The following AFG1L variants were observed in gnomAD, a reference collection of about 807,000 sequenced individuals.
AFG1L encodes AFG1-like ATPase.
A neutral mutation model predicts 62.2 loss-of-function variants in AFG1L; 53 were observed. The observed-to-expected ratio is 0.85, with a 90% CI of 0.68 to 1.07. The LOEUF (loss-of-function observed/expected upper bound fraction) is 1.07. AFG1L is among the 50% of genes least tolerant of loss of function. The pLI is 0.00. For missense variants in AFG1L, 555 were observed against 590.5 expected (o/e 0.94, Z 0.62); for synonymous variants, 228 against 210.3 (o/e 1.08, Z -0.73).
chr6:108,355,809 G>T, intron 4 of AFG1L, 54 bp downstream of exon 4: 1 of 1,184,492 alleles, frequency 8.4e-7, no homozygotes, highest in Non-Finnish European at 1.2e-6. Flanking sequence ...GCTACAAAAT[G>T]GTTTTCTTCA....
chr6:108,316,368 G>A (rs1424573011), intron 1 of AFG1L, among the ~76,000 whole-genome samples: 2 of 83,952 alleles, frequency 2.4e-5, no homozygotes, highest in African/African-American at 5.0e-5. Context: ...GCGACAGAGC[G>A]AGACTCCGTC....
chr6:108,483,386 G>T (rs1233982736), intron 10 of AFG1L, among the ~76,000 whole-genome samples: 1 of 151,890 alleles, frequency 6.6e-6, no homozygotes, highest in African/African-American at 2.4e-5. Context: ...ACATTCCTTG[G>T]GTTCCTCAAT....
At chr6:108,333,629 T>C (rs1337918366) in intron 2 of AFG1L, among the ~76,000 whole-genome samples, 2 of 151,990 alleles carry the variant, frequency 1.3e-5, no homozygotes, top group Non-Finnish European at 2.9e-5. Flanking sequence ...TACCATATAA[T>C]AGAAAAACAG....
At chr6:108,317,952 T>C (rs1777668860) in intron 1 of AFG1L, 1 of 152,734 alleles carries the variant, frequency 6.5e-6, no homozygotes, top group African/African-American at 2.4e-5. Context: ...AAGGGGAGCA[T>C]ATCAGCATAA....
At chr6:108,357,349 G>A (rs1779331285) in intron 5 of AFG1L, among the ~76,000 whole-genome samples, 1 of 152,076 alleles carries the variant, frequency 6.6e-6, no homozygotes, top group Admixed American at 6.5e-5. Context: ...CCAAAGTGCT[G>A]AAATTACAGG....
intron 10 of AFG1L, among the ~76,000 whole-genome samples, chr6:108,501,702 C>T (rs1010839433): frequency 4.6e-5 from 7 of 152,216 alleles, no homozygotes; most frequent in Admixed American, 1.3e-4. Flanking sequence ...GATCATATTA[C>T]TGTCTCTCTC....
chr6:108,425,184 G>C (rs571748753), intron 7 of AFG1L, among the ~76,000 whole-genome samples: 6 of 152,282 alleles, frequency 3.9e-5, no homozygotes, highest in South Asian at 2.1e-4. Context: ...GAGGTTAAGA[G>C]AGCCTTTTTA....
intron 8 of AFG1L, among the ~76,000 whole-genome samples, chr6:108,473,113 A>AT (rs1165163097): frequency 6.6e-6 from 1 of 152,136 alleles, no homozygotes; most frequent in African/African-American, 2.4e-5. Flanking sequence ...CACCAATAAA[A>AT]TTTTTTATTT....
At chr6:108,442,348 T>G (rs1582593675) in intron 7 of AFG1L, among the ~76,000 whole-genome samples, 2 of 152,062 alleles carry the variant, frequency 1.3e-5, no homozygotes, top group Non-Finnish European at 2.9e-5. Flanking sequence ...CAAGAAGTAA[T>G]GTAGTATATA....
chr6:108,311,180 G>A lies in AFG1L; in HGVS notation c.140-12645G>A, dbSNP rs538529219. Reference sequence around the variant, plus strand: ...AGTAGTTCATCTCTTACCTCTCTCCGCCTTTCACTTTACGTCTCAGCCAAA... The same window carrying A: ...AGTAGTTCATCTCTTACCTCTCTCCACCTTTCACTTTACGTCTCAGCCAAA... On this transcript the variant is annotated intron_variant, in intron 1 of 12. Coordinates refer to ENST00000368977, the MANE Select transcript of AFG1L (RefSeq NM_145315.5). Among the ~76,000 whole-genome samples, 87 of 152,226 alleles carry A rather than the reference G, an allele frequency of 5.7e-4. 1 individual carries two copies. The Middle Eastern group carries it at 0.027, about 48-fold the overall frequency.
At chr6:108,309,627 T>G (rs1212592666) in intron 1 of AFG1L, among the ~76,000 whole-genome samples, 1 of 152,242 alleles carries the variant, frequency 6.6e-6, no homozygotes, top group Non-Finnish European at 1.5e-5. Context: ...GGAAAACTTT[T>G]AAATATTCTT....
At chr6:108,377,854 T>A (rs1043502683) in intron 6 of AFG1L, among the ~76,000 whole-genome samples, 9 of 151,764 alleles carry the variant, frequency 5.9e-5, no homozygotes, top group Non-Finnish European at 1.5e-5. Context: ...CAAATTTATT[T>A]ATCCATGTTC....
In AFG1L at chr6:108,323,904, T is replaced by C. The variant is rs766108950; in HGVS notation, c.219T>C (p.His73=). Residue 73 remains histidine (H), a synonymous_variant, in exon 2 of 13, where the codon CAT becomes CAC. Transcript: ENST00000368977. ...ETYLKALAVC[H]GPLDHYDFLI... ...ATTTGAAAGCTTTGGCCGTTTGCCA[T>C]GGACCTCTGGACCACTATGATTTTC... is the stretch of plus-strand genomic sequence containing the variant. The C allele has an allele frequency of 8.7e-6, 14 of 1,614,200 alleles. No homozygotes were observed. The highest frequency in any genetic ancestry group is 1.2e-5 in the Non-Finnish European group (14 of 1,180,028).
chr6:108,434,665 T>G (rs564693671), intron 7 of AFG1L, among the ~76,000 whole-genome samples: 1 of 152,334 alleles, frequency 6.6e-6, no homozygotes, highest in Admixed American at 6.5e-5. Context: ...CCTCCCTTCC[T>G]AAATCTTTAC....
intron 6 of AFG1L, among the ~76,000 whole-genome samples, chr6:108,394,473 A>G (rs918317726): frequency 2.0e-5 from 3 of 151,672 alleles, no homozygotes; most frequent in Non-Finnish European, 4.4e-5. Context: ...ATCTGTCACT[A>G]CCAAACCTGT....
intron 7 of AFG1L, among the ~76,000 whole-genome samples, chr6:108,439,685 A>G (rs1353127969): frequency 6.6e-6 from 1 of 152,288 alleles, no homozygotes; most frequent in East Asian, 1.9e-4. Context: ...TAATTTGTAT[A>G]CTTTCCTGTA....
chr6:108,425,628 A>ATG (rs1770777715), intron 7 of AFG1L, among the ~76,000 whole-genome samples: 1 of 151,992 alleles, frequency 6.6e-6, no homozygotes, highest in African/African-American at 2.4e-5. Flanking sequence ...GTTGCACAAT[A>ATG]TGTGTGTGTG....
intron 6 of AFG1L, among the ~76,000 whole-genome samples, chr6:108,371,775 T>C (rs1326730957): frequency 6.6e-6 from 1 of 152,170 alleles, no homozygotes; most frequent in Non-Finnish European, 1.5e-5. Context: ...TATTTATTTT[T>C]AGAGACAGAG....
At chr6:108,357,249 TA>T (rs1397339186) in intron 5 of AFG1L, among the ~76,000 whole-genome samples, 2 of 152,190 alleles carry the variant, frequency 1.3e-5, no homozygotes, top group Non-Finnish European at 2.9e-5. Flanking sequence ...AGCAAATTTT[TA>T]AAAACAATTT....
Sources: allele counts gnomAD v4.1 joint callset (sites outside exome capture counted in the v4.1 genomes callset), GRCh38; gene constraint gnomAD v4.1.1; transcripts MANE v1.5; gene names NCBI Gene and HGNC (gene_info 2026-07-23, HGNC 2026-07-21).